TTN: variants seen among roughly 807,000 people sequenced by gnomAD.
TTN encodes the protein connectin.
In TTN, 1,525 loss-of-function variants were observed where a neutral mutation model predicts 3,223.0. That is an observed-to-expected ratio of 0.47 (90% confidence interval 0.45 to 0.49). TTN has a LOEUF of 0.49. Among genes scored for constraint, TTN ranks in the 20% least tolerant of loss-of-function variants. The probability of loss-of-function intolerance (pLI) is 0.00; values close to 1 mark genes in which losing one functional copy is unlikely to be tolerated. For missense variants in TTN, 40,786 were observed against 43,424.0 expected, an observed-to-expected ratio of 0.94 and a Z score of 5.40; for synonymous variants, 14,094 against 15,161.0, an observed-to-expected ratio of 0.93 and a Z score of 5.17.
In TTN at chr2:178,613,855, A is replaced by T; in HGVS notation, c.49428T>A (p.Asp16476Glu). Residue 16476 changes from aspartate (D) to glutamate (E), a missense_variant, in exon 263 of 363, where the codon GAT becomes GAA. Asp to Glu is a conservative substitution (Grantham distance 45). Transcript: ENST00000589042. ...AVTLTWCEPD[D>E]DGGSPITGYW... ...ATCCTGTGATTGGGCTGCCACCATC[A>T]TCATCTGGCTCACACCATGTGAGAG... is the stretch of plus-strand genomic sequence containing the variant. 6.2e-7 allele frequency: 1 copy of T among 1,612,424 alleles called. No individual in the cohort carries two copies. The highest frequency in any genetic ancestry group is 8.5e-7 in the Non-Finnish European group (1 of 1,179,074).
At position 178,548,335 on chromosome 2, in the gene TTN, A is replaced by G. The variant is rs1167328025; in HGVS notation, c.93291T>C (p.Gly31097=). The G allele has an allele frequency of 1.9e-6, 3 of 1,613,870 alleles. No individual in the cohort carries two copies. Among genetic ancestry groups the G allele is most frequent in the Non-Finnish European group, 1.7e-6 (2 of 1,179,820 alleles). The change falls in exon 339 of 363, where the codon GGT becomes GGC. Residue 31097 remains glycine (G), a synonymous_variant. Transcript: ENST00000589042. This position sits in a 1 kb window ranked among gnomAD's most constrained non-coding sequence, Gnocchi z 4.3. ...YFRVSAVNEY[G]VGEPYEMPEP... is the part of the protein sequence containing the mutation. ...CTGGCATTTCATAGGGCTCACCAAC[A>G]CCATACTCATTTACTGCAGAAACAC...
Position 178,727,631 on chromosome 2 carries a change from G to A in TTN, c.19947C>T (p.Thr6649=). 6.3e-7 allele frequency: 1 copy of A among 1,599,646 alleles called. No individual in the cohort carries two copies. The highest frequency in any genetic ancestry group is 1.1e-5 in the South Asian group (1 of 88,236). The change falls in exon 68 of 363, where the codon ACC becomes ACT. Residue 6649 remains threonine, a synonymous_variant. Coordinates refer to ENST00000589042, the MANE Select transcript of TTN (RefSeq NM_001267550.2). ...SKTGQYTCHV[T]NDVGSDSCTT... The stretch of plus-strand genomic sequence containing the variant: ...TACAAGAGTCGCTACCAACATCATT[G>A]GTAACATGGCAAGTATACTGTCCAG...
Position 178,531,428 on chromosome 2 carries a change from C to CA in TTN, c.105186dup (p.Ala35063CysfsTer6), listed in dbSNP as rs1558998118. The CA allele has an allele frequency of 1.2e-6, 2 of 1,613,998 alleles. No individual in the cohort carries two copies. ...GATGTTTTCTTAAATGATGAAACAG[C>CA]ATACGCCTCTGTTCTTGTCAGCTCA... On this transcript the variant is annotated frameshift_variant, in exon 358 of 363. Coordinates refer to ENST00000589042, the MANE Select transcript of TTN (RefSeq NM_001267550.2). LOFTEE classifies it high-confidence loss of function.
Position 178,717,206 on chromosome 2 carries a change from T to C in TTN, c.25528A>G (p.Thr8510Ala). 2 of 1,613,650 alleles carry C rather than the reference T, an allele frequency of 1.2e-6. No individual in the cohort carries two copies. The highest frequency in any genetic ancestry group is 8.5e-7 in the Non-Finnish European group (1 of 1,179,652). The stretch of plus-strand genomic sequence containing the variant: ...ACTTTGAGAACTGTCAGAGTGGCAG[T>C]ATTTTCTACCAAAGTCATCTTGTAG... ...GNYKMTLVEN[T>A]ATLTVLKVGK... Residue 8510 changes from threonine to alanine, a missense_variant, in exon 88 of 363, where the codon ACT (threonine) becomes GCT (alanine). Physicochemically the swap from Thr to Ala is moderately conservative, Grantham distance 58. Coordinates refer to ENST00000589042, the MANE Select transcript of TTN (RefSeq NM_001267550.2).
At chr2:178,626,994 T>C (rs2059149383) in intron 240 of TTN, among the ~76,000 whole-genome samples, 1 of 151,878 alleles carries the variant, frequency 6.6e-6, no homozygotes, top group South Asian at 2.1e-4. Flanking sequence ...AGGTGCCTTA[T>C]AAAAATAAAC....
chr2:178,725,772 C>A lies in TTN; in HGVS notation c.20550G>T (p.Leu6850Phe). The A allele has an allele frequency of 6.3e-7, 1 of 1,585,900 alleles. No homozygotes were observed. Among genetic ancestry groups the A allele is most frequent in the Non-Finnish European group, 8.6e-7 (1 of 1,164,534 alleles). ...ATGTGGATGAACTATATTTACCTTT[C>A]AATTTTACAGTACAAACACAAGTAT... ...GSDTCVCTVK[L>F]KEPPRFVSKL... Residue 6850 changes from leucine to phenylalanine, a missense_variant, in exon 70 of 363, where the codon TTG becomes TTT. Transcript: ENST00000589042.
chr2:178,721,801 C>T, intron 78 of TTN, 46 bp downstream of exon 78: 1 of 1,434,460 alleles, frequency 7.0e-7, no homozygotes, highest in Non-Finnish European at 9.2e-7. Flanking sequence ...GACAATTATG[C>T]AAATATGGTA....
Position 178,530,123 on chromosome 2 carries a change from A to C in TTN, c.106375-7T>G. ...TACCTCCTTGTGTAATGGCCTGTAG[A>C]ATGCAAATGATTTGTGTTTTAAAAA... On this transcript the variant is annotated splice_region_variant and splice_polypyrimidine_tract_variant and intron_variant, in intron 358 of 362. Transcript: ENST00000589042. The C allele has an allele frequency of 1.9e-6, 3 of 1,576,684 alleles. No individual in the cohort carries two copies. The highest frequency in any genetic ancestry group is 1.7e-6 in the Non-Finnish European group (2 of 1,168,360).
In TTN at chr2:178,713,284, A is replaced by G. The variant is rs1369286868; in HGVS notation, c.26850T>C (p.Tyr8950=). The change falls in exon 93 of 363, where the codon TAT becomes TAC. Residue 8950 remains tyrosine, a synonymous_variant. Transcript: ENST00000589042. ...GSSVVMECKV[Y]GSPPISVSWF... The stretch of plus-strand genomic sequence containing the variant: ...AGGAGACAGAGATTGGAGGTGACCC[A>G]TAGACTTTACACTCCATTACAACTG... The G allele has an allele frequency of 6.2e-7, 1 of 1,607,372 alleles. No individual in the cohort carries two copies. Among genetic ancestry groups the G allele is most frequent in the Non-Finnish European group, 8.5e-7 (1 of 1,176,404 alleles).
intron 91 of TTN, 23 bp from the exon 92 acceptor site, chr2:178,714,198 T>C (rs1222535666): frequency 6.3e-7 from 1 of 1,595,360 alleles, no homozygotes; most frequent in East Asian, 2.2e-5. Context: ...GTAAAAGATA[T>C]CCATATTTTA....
At position 178,530,873 on chromosome 2, in the gene TTN, T is replaced by A; in HGVS notation, c.105742A>T (p.Lys35248Ter). 1 of 1,613,930 alleles carries A rather than the reference T, an allele frequency of 6.2e-7. No individual in the cohort carries two copies. The highest frequency in any genetic ancestry group is 8.5e-7 in the Non-Finnish European group (1 of 1,179,878). ...EPRVKSPEAV[K>*]SPKRVKSPEP... Reference sequence around the variant, plus strand: ...GGAGATTTCACTCGTTTTGGAGACTTAACTGCTTCTGGGGATTTCACCCGA... The same window carrying A: ...GGAGATTTCACTCGTTTTGGAGACTAAACTGCTTCTGGGGATTTCACCCGA... The change falls in exon 358 of 363, where the codon AAG becomes TAG. Residue 35248 changes from lysine to a stop codon, truncating the protein, a stop_gained. Coordinates refer to ENST00000589042, the MANE Select transcript of TTN (RefSeq NM_001267550.2). LOFTEE classifies it high-confidence loss of function.
chr2:178,574,461 GTCCAC>G lies in TTN; in HGVS notation c.71666_71670del (p.Ser23889ThrfsTer8). The G allele has an allele frequency of 6.2e-7, 1 of 1,613,646 alleles. No homozygotes were observed. Among genetic ancestry groups the G allele is most frequent in the South Asian group, 1.1e-5 (1 of 91,066 alleles). On this transcript the variant is annotated frameshift_variant, in exon 326 of 363. Coordinates refer to ENST00000589042, the MANE Select transcript of TTN (RefSeq NM_001267550.2). LOFTEE classifies it high-confidence loss of function. ...AACTCATAAGCAATACCATCTGTAA[GTCCAC>G]TTGATTTGAAAATGTTGCCTGGTAC...
In TTN at chr2:178,580,731, C is replaced by T. The variant is rs917233975; in HGVS notation, c.66770-122G>A. ...AGAGCTGATTTCTTGTTCTTTAAAA[C>T]TTCCTTAATACAATCCTCAAAATCA... On this transcript the variant is annotated intron_variant, in intron 316 of 362. Coordinates refer to ENST00000589042, the MANE Select transcript of TTN (RefSeq NM_001267550.2). The T allele has an allele frequency of 7.5e-5, 71 of 943,722 alleles. No homozygotes were observed. In the African/African-American group the frequency reaches 9.6e-4, roughly 13 times the overall value. 58.5% of individuals were successfully genotyped at this position (943,722 alleles called of 1,614,324 possible).
chr2:178,550,434 G>C (rs1229120905), intron 336 of TTN, 161 bp from the exon 337 acceptor site: 4 of 600,732 alleles, frequency 6.7e-6, no homozygotes, highest in Non-Finnish European at 1.1e-5. Context: ...TTGAGAATTT[G>C]GACTATGGGG....
In TTN at chr2:178,715,257, G is replaced by C. The variant is rs2154297713; in HGVS notation, c.25929C>G (p.Pro8643=). 3 of 1,600,402 alleles carry C rather than the reference G, an allele frequency of 1.9e-6. No individual in the cohort carries two copies. The highest frequency in any genetic ancestry group is 2.6e-6 in the Non-Finnish European group (3 of 1,174,252). ...TAGGATGAGGCTTTTTGCGGAAAAT[G>C]GGTGGTTCTAAAATTGGAAAAAAGG... The part of the protein sequence containing the change: ...SSTSLKVKEP[P]IFRKKPHPIE... Residue 8643 remains proline, a synonymous_variant, in exon 90 of 363, where the codon CCC becomes CCG. Coordinates refer to ENST00000589042, the MANE Select transcript of TTN (RefSeq NM_001267550.2).
At chr2:178,748,285 T>A (rs767463181) in intron 47 of TTN, 1 of 1,612,894 alleles carries the variant, frequency 6.2e-7, no homozygotes, top group East Asian at 2.2e-5. Context: ...CCTGTACATG[T>A]CGGACTTCTT....
rs1285624855 is a variant in TTN, at chr2:178,597,701, G to A, written c.57381C>T (p.Asn19127=). Residue 19127 remains asparagine, a synonymous_variant, in exon 294 of 363, where the codon AAC becomes AAT. Coordinates refer to ENST00000589042, the MANE Select transcript of TTN (RefSeq NM_001267550.2). The part of the protein sequence containing the change: ...SGKPPPTVTW[N]MNERTLPQEA... The stretch of plus-strand genomic sequence containing the variant: ...CTTGAGGTAAGGTTCTTTCATTCAT[G>A]TTCCAGGTGACGGTTGGAGGAGGCT... 1.9e-6 allele frequency: 3 copies of A among 1,613,324 alleles called. No individual in the cohort carries two copies. Among genetic ancestry groups the A allele is most frequent in the East Asian group, 2.2e-5 (1 of 44,718 alleles).
In TTN at chr2:178,780,379, A is replaced by T. The variant is rs12693168; in HGVS notation, c.3524-174T>A. On this transcript the variant is annotated intron_variant, in intron 21 of 362. Transcript: ENST00000589042. ...CTAGATGGAATTTGGAAACCAAACTAACACTAACAAATCCAACCAGCCATT... is the reference window on the plus strand; with the variant it reads ...CTAGATGGAATTTGGAAACCAAACTTACACTAACAAATCCAACCAGCCATT... Among the ~76,000 whole-genome samples the T allele has an allele frequency of 0.95, 144,274 of 152,294 alleles. 68,596 individuals are homozygous for T. The highest frequency in any genetic ancestry group is 0.99 in the Non-Finnish European group (67,450 of 68,042).
At chr2:178,796,875 C>T (rs924368115) in intron 6 of TTN, among the ~76,000 whole-genome samples, 5 of 152,104 alleles carry the variant, frequency 3.3e-5, no homozygotes, top group African/African-American at 9.7e-5. Flanking sequence ...CTGGTCACAG[C>T]GAGATACAAT....
Sources: gnomAD v4.1 joint callset for allele counts (sites outside exome capture counted in the v4.1 genomes callset) on GRCh38, gnomAD v4.1.1 for gene constraint, Gnocchi (gnomAD v3.1) non-coding constraint, MANE v1.5 for transcripts, NCBI Gene and HGNC (gene_info 2026-07-23, HGNC 2026-07-21) for gene names.